ABCB11: variants seen among roughly 807,000 people sequenced by gnomAD.
ABCB11 encodes ATP binding cassette subfamily B member 11, also known as bile salt export pump.
In ABCB11, 95 loss-of-function variants were observed where a neutral mutation model predicts 148.0. That is an observed-to-expected ratio of 0.64 (90% CI 0.54 to 0.76). The LOEUF is 0.76. ABCB11 is among the 30% of genes least tolerant of loss of function. ABCB11 has a pLI of 0.00. For missense variants in ABCB11, 1,523 were observed against 1,617.8 expected, an observed-to-expected ratio of 0.94 and a Z score of 1.01; for synonymous variants, 591 against 555.4, an observed-to-expected ratio of 1.06 and a Z score of -0.90.
At chr2:169,014,610 G>A (rs899077992) in intron 3 of ABCB11, among the ~76,000 whole-genome samples, 9 of 152,114 alleles carry the variant, frequency 5.9e-5, no homozygotes, top group African/African-American at 2.2e-4. Flanking sequence ...TGGAGAGAAA[G>A]TAAAAAGTCC....
chr2:168,986,125 T>C lies in ABCB11; in HGVS notation c.1068A>G (p.Pro356=), dbSNP rs1220078937. 1 of 1,608,634 alleles carries C rather than the reference T, an allele frequency of 6.2e-7. No individual in the cohort carries two copies. Among genetic ancestry groups the C allele is most frequent in the Non-Finnish European group, 8.5e-7 (1 of 1,177,228 alleles). The stretch of plus-strand genomic sequence containing the variant: ...TCCAAGGTACCTGGACAAGGGTTCC[T>C]GGTGTATATTCTCCTTCATCCAGGA... ...TLVLDEGEYT[P]GTLVQIFLSV... Residue 356 remains proline, a synonymous_variant, in exon 10 of 28, where the codon CCA becomes CCG. Transcript: ENST00000650372.
At chr2:168,955,098 C>G (rs1692732712) in intron 19 of ABCB11, among the ~76,000 whole-genome samples, 1 of 151,468 alleles carries the variant, frequency 6.6e-6, no homozygotes. Flanking sequence ...AGAATTTCTG[C>G]TTATTTTTTT....
chr2:169,018,279 T>G, intron 1 of ABCB11, 127 bp from the exon 2 acceptor site: 1 of 774,446 alleles, frequency 1.3e-6, no homozygotes. Context: ...GACAAAAGTT[T>G]TAAAATCGGT....
intron 5 of ABCB11, among the ~76,000 whole-genome samples, chr2:169,010,322 C>A (rs1017022535): frequency 1.3e-5 from 2 of 152,032 alleles, no homozygotes; most frequent in Admixed American, 6.6e-5. Flanking sequence ...ATCTATTATT[C>A]GACTGTTCTG....
intron 11 of ABCB11, among the ~76,000 whole-genome samples, chr2:168,978,295 G>A (rs906974888): frequency 2.0e-5 from 3 of 151,764 alleles, no homozygotes; most frequent in African/African-American, 4.8e-5. Context: ...ATAGGCATGT[G>A]CCACCACACC....
At chr2:168,995,508 G>C in intron 6 of ABCB11, 26 bp from the exon 7 acceptor site, 1 of 1,592,800 alleles carries the variant, frequency 6.3e-7, no homozygotes, top group Non-Finnish European at 8.5e-7. Context: ...GGAATGTTTA[G>C]CATTGCAATG....
intron 18 of ABCB11, among the ~76,000 whole-genome samples, chr2:168,961,541 T>A (rs1693076383): frequency 6.6e-6 from 1 of 151,730 alleles, no homozygotes; most frequent in Non-Finnish European, 1.5e-5. Context: ...CTTGATCTCA[T>A]ACATGTTCTG....
chr2:168,966,130 A>T (rs1693305823), intron 17 of ABCB11, among the ~76,000 whole-genome samples: 1 of 151,862 alleles, frequency 6.6e-6, no homozygotes, highest in African/African-American at 2.4e-5. Context: ...CCAGTTAGGT[A>T]ACAGAGGTCA....
chr2:168,948,853 C>T (rs1471554679), intron 19 of ABCB11, among the ~76,000 whole-genome samples: 1 of 151,650 alleles, frequency 6.6e-6, no homozygotes, highest in Non-Finnish European at 1.5e-5. Context: ...GGCTGGGGCC[C>T]TCCTTACACG....
downstream of ABCB11, among the ~76,000 whole-genome samples, chr2:168,919,404 C>G (rs1222350697): frequency 6.6e-6 from 1 of 152,128 alleles, no homozygotes. Flanking sequence ...AGCATTCAAA[C>G]CCACCAGGCA....
At chr2:168,968,057 C>T (rs1342886552) in intron 17 of ABCB11, among the ~76,000 whole-genome samples, 1 of 151,854 alleles carries the variant, frequency 6.6e-6, no homozygotes, top group East Asian at 1.9e-4. Context: ...GAGCTAAAGG[C>T]ATGAATTTGA....
intron 5 of ABCB11, among the ~76,000 whole-genome samples, chr2:169,002,908 TTTTTA>T (rs1694916562): frequency 6.6e-6 from 1 of 152,142 alleles, no homozygotes; most frequent in South Asian, 2.1e-4. Flanking sequence ...AAAGAGTAGA[TTTTTA>T]TTTTTTTTGT....
intron 9 of ABCB11, among the ~76,000 whole-genome samples, chr2:168,986,844 T>C (rs895384265): frequency 6.6e-6 from 1 of 151,938 alleles, no homozygotes; most frequent in Admixed American, 6.6e-5. Context: ...ATGCAAGGAA[T>C]AGGTTTCAGT....
At chr2:168,919,881 G>T (rs1427904888), downstream of ABCB11, among the ~76,000 whole-genome samples, 1 of 150,060 alleles carries the variant, frequency 6.7e-6, no homozygotes, top group Non-Finnish European at 1.5e-5. Context: ...TTTTGGTTTT[G>T]TTTTTTTTTG....
At chr2:169,019,199 A>G (rs927181805) in intron 1 of ABCB11, among the ~76,000 whole-genome samples, 1 of 152,222 alleles carries the variant, frequency 6.6e-6, no homozygotes. Context: ...ACATACATAT[A>G]TACACACATG....
At chr2:169,029,120 G>A (rs899443496) in intron 1 of ABCB11, among the ~76,000 whole-genome samples, 5 of 151,758 alleles carry the variant, frequency 3.3e-5, no homozygotes, top group African/African-American at 9.7e-5. Context: ...GTCCCTCCAC[G>A]GCTTTTCTCT....
intron 19 of ABCB11, among the ~76,000 whole-genome samples, chr2:168,954,337 T>G (rs148468876): frequency 6.6e-6 from 1 of 151,750 alleles, no homozygotes; most frequent in Non-Finnish European, 1.5e-5. Context: ...TTCAATGTGT[T>G]GTTGTGATGG....
chr2:168,964,659 TG>T (rs1271521296), intron 17 of ABCB11, among the ~76,000 whole-genome samples: 4 of 151,836 alleles, frequency 2.6e-5, no homozygotes, highest in African/African-American at 7.2e-5. Flanking sequence ...ATTGCTGCCT[TG>T]GCAACAGTCT....
At chr2:168,931,521 A>G (rs184116191) in intron 24 of ABCB11, among the ~76,000 whole-genome samples, 1 of 152,332 alleles carries the variant, frequency 6.6e-6, no homozygotes, top group Admixed American at 6.5e-5. Context: ...ATTTACAAAT[A>G]CCTATCTATC....
Sources: gnomAD v4.1 joint callset for allele counts (sites outside exome capture counted in the v4.1 genomes callset) on GRCh38, gnomAD v4.1.1 for gene constraint, MANE v1.5 for transcripts, NCBI Gene and HGNC (gene_info 2026-07-23, HGNC 2026-07-21) for gene names.